IL7: variants seen among roughly 807,000 people sequenced by gnomAD.
The protein encoded by IL7 is interleukin-7.
IL7 carries 3 observed loss-of-function variants against 21.6 expected under a neutral mutation model. The observed-to-expected ratio is 0.14, with a 90% CI of 0.06 to 0.36. The LOEUF is 0.36. IL7 is among the 10% of genes least tolerant of loss of function. The pLI, the probability that IL7 is intolerant of heterozygous loss-of-function variation, is 1.00. For synonymous variants in IL7, 62 were observed against 68.1 expected (o/e 0.91, Z 0.44); for missense variants, 175 against 200.2 (o/e 0.87, Z 0.76).
intron 2 of IL7, among the ~76,000 whole-genome samples, chr8:78,788,900 G>A (rs571896758): frequency 1.8e-4 from 28 of 152,210 alleles, no homozygotes; most frequent in African/African-American, 6.5e-4. Context: ...GTTTGATGCT[G>A]TTTTTAGATA....
intron 2 of IL7, among the ~76,000 whole-genome samples, chr8:78,789,420 G>A (rs544532478): frequency 6.6e-6 from 1 of 152,022 alleles, no homozygotes; most frequent in Admixed American, 6.6e-5. Context: ...TTTAAACATT[G>A]TCCATTTATT....
intron 2 of IL7, among the ~76,000 whole-genome samples, chr8:78,757,639 T>C (rs1812393398): frequency 1.3e-5 from 2 of 152,140 alleles, no homozygotes; most frequent in African/African-American, 4.8e-5. Context: ...CATTACATAC[T>C]AGACCTCTTT....
intron 3 of IL7, among the ~76,000 whole-genome samples, chr8:78,691,482 A>T (rs920997930): frequency 6.6e-6 from 1 of 151,948 alleles, no homozygotes; most frequent in Non-Finnish European, 1.5e-5. Flanking sequence ...GTGTTTTTGC[A>T]TTGCTATAAT....
intron 3 of IL7, among the ~76,000 whole-genome samples, chr8:78,706,809 G>T (rs1161268770): frequency 1.3e-5 from 2 of 151,944 alleles, no homozygotes; most frequent in African/African-American, 4.8e-5. Flanking sequence ...ACTACATTTT[G>T]CTTCTCAATT....
At chr8:78,756,164 A>G (rs546289907) in intron 2 of IL7, among the ~76,000 whole-genome samples, 1 of 152,130 alleles carries the variant, frequency 6.6e-6, no homozygotes, top group African/African-American at 2.4e-5. Flanking sequence ...CCTTCTTTGC[A>G]TCCTTGGGAT....
chr8:78,695,938 A>G (rs943131762), intron 3 of IL7, among the ~76,000 whole-genome samples: 1 of 152,204 alleles, frequency 6.6e-6, no homozygotes, highest in Admixed American at 6.5e-5. Context: ...AATTGGTTTT[A>G]GCTAGCTATT....
chr8:78,783,033 C>T (rs772529318), intron 2 of IL7, among the ~76,000 whole-genome samples: 3 of 106,384 alleles, frequency 2.8e-5, no homozygotes, highest in Non-Finnish European at 5.2e-5. Context: ...ATATCTCTGG[C>T]ACCAGCAGGG....
rs566695645 is a variant in IL7, at chr8:78,682,583, T to C, written n.273+3306A>G. On this transcript the variant is annotated intron_variant and non_coding_transcript_variant, in intron 4 of 4. Transcript: ENST00000523959. Reference sequence around the variant, plus strand: ...ATTCAATTACCTCCCAATGGGTTCCTCCCACAACCTGTGGGGATTATGAGA... The same window carrying C: ...ATTCAATTACCTCCCAATGGGTTCCCCCCACAACCTGTGGGGATTATGAGA... Among the ~76,000 whole-genome samples, 42 of 152,264 alleles carry C rather than the reference T, an allele frequency of 2.8e-4. 1 individual carries two copies. The highest frequency in any genetic ancestry group is 9.6e-4 in the African/African-American group (40 of 41,544).
chr8:78,680,306 A>AG (rs1327160478), intron 4 of IL7, among the ~76,000 whole-genome samples: 3 of 150,172 alleles, frequency 2.0e-5, no homozygotes, highest in African/African-American at 7.3e-5. Flanking sequence ...AAAAAAAAAA[A>AG]AAAAAAAAAG....
At chr8:78,766,914 A>G (rs1427666434) in intron 2 of IL7, among the ~76,000 whole-genome samples, 1 of 152,132 alleles carries the variant, frequency 6.6e-6, no homozygotes, top group Non-Finnish European at 1.5e-5. Context: ...AAAGGAGGCC[A>G]TTCTGTTACA....
downstream of IL7, among the ~76,000 whole-genome samples, chr8:78,731,350 G>C (rs1474613674): frequency 1.3e-5 from 2 of 151,810 alleles, no homozygotes; most frequent in East Asian, 3.9e-4. Flanking sequence ...CCTCGTGTTA[G>C]GTTAGGGATT....
intron 4 of IL7, 61 bp from the exon 5 acceptor site, chr8:78,736,588 G>A: frequency 9.6e-7 from 1 of 1,039,180 alleles, no homozygotes; most frequent in South Asian, 1.5e-5. Flanking sequence ...CCAGTTGTTT[G>A]TAATTGCTAA....
chr8:78,690,547 A>G (rs1365715483), intron 3 of IL7, among the ~76,000 whole-genome samples: 2 of 151,026 alleles, frequency 1.3e-5, no homozygotes, highest in African/African-American at 2.5e-5. Flanking sequence ...GCGACAGAGC[A>G]AGAGACTGTC....
Position 78,693,691 on chromosome 8 carries a change from G to A in IL7, n.215-7744C>T, listed in dbSNP as rs966996593. Among the ~76,000 whole-genome samples, 433 of 152,044 alleles carry A rather than the reference G, an allele frequency of 2.8e-3. 2 individuals are homozygous for A. Among genetic ancestry groups the A allele is most frequent in the African/African-American group, 7.0e-3 (289 of 41,458 alleles). Reference sequence around the variant, plus strand: ...CTCCCATTCTGTAGGTTGCCTGTTCGCTCTGATGGTAGTTTCTTCTGCTGT... The same window carrying A: ...CTCCCATTCTGTAGGTTGCCTGTTCACTCTGATGGTAGTTTCTTCTGCTGT... On this transcript the variant is annotated intron_variant and non_coding_transcript_variant, in intron 3 of 4. Coordinates refer to the IL7 transcript ENST00000523959.
chr8:78,770,064 C>T (rs1319395647), intron 2 of IL7, among the ~76,000 whole-genome samples: 1 of 152,106 alleles, frequency 6.6e-6, no homozygotes, highest in Admixed American at 6.5e-5. Flanking sequence ...AAATGTTAGG[C>T]CTAAAACCAT....
At chr8:78,688,741 AT>A (rs1447145394) in intron 3 of IL7, among the ~76,000 whole-genome samples, 1 of 152,130 alleles carries the variant, frequency 6.6e-6, no homozygotes, top group African/African-American at 2.4e-5. Flanking sequence ...TTAAGAGAAA[AT>A]AGCACTTTAA....
At chr8:78,675,761 A>G in exon 5 of IL7, 1 of 1,549,944 alleles carries the variant, frequency 6.5e-7, no homozygotes, top group South Asian at 1.2e-5. Context: ...TATATAAATT[A>G]TTTATTAAAT....
intron 2 of IL7, among the ~76,000 whole-genome samples, chr8:78,792,982 G>T (rs886776336): frequency 5.3e-5 from 8 of 152,058 alleles, no homozygotes; most frequent in Admixed American, 1.3e-4. Context: ...CAAATGTCCA[G>T]AAATTGATGA....
chr8:78,795,809 A>AT (rs1042414564), intron 2 of IL7, among the ~76,000 whole-genome samples: 1 of 151,790 alleles, frequency 6.6e-6, no homozygotes, highest in Non-Finnish European at 1.5e-5. Flanking sequence ...ACTGTGCACT[A>AT]TTTTTTTTCT....
Sources: gnomAD v4.1 joint callset for allele counts (sites outside exome capture counted in the v4.1 genomes callset) on GRCh38, gnomAD v4.1.1 for gene constraint, MANE v1.5 for transcripts, NCBI Gene and HGNC (gene_info 2026-07-23, HGNC 2026-07-21) for gene names.